The following TM9SF3 variants were observed in gnomAD, a reference collection of about 807,000 sequenced individuals.
The protein encoded by TM9SF3 is transmembrane 9 superfamily member 3.
TM9SF3 carries 14 observed loss-of-function variants against 78.6 expected under a neutral mutation model. The ratio of observed to expected loss-of-function variants is 0.18; its 90% confidence interval spans 0.12 to 0.28. The LOEUF is 0.28. TM9SF3 is among the 10% of genes least tolerant of loss of function. The pLI, the probability that TM9SF3 is intolerant of heterozygous loss-of-function variation, is 1.00. For missense variants in TM9SF3, 496 were observed against 721.9 expected, an observed-to-expected ratio of 0.69 and a Z score of 3.59; for synonymous variants, 231 against 241.7, an observed-to-expected ratio of 0.96 and a Z score of 0.41.
At chr10:96,550,979 T>C (rs1232178708) in intron 7 of TM9SF3, among the ~76,000 whole-genome samples, 1 of 152,202 alleles carries the variant, frequency 6.6e-6, no homozygotes. Flanking sequence ...GGATTGAAAG[T>C]AACCTCTGTT....
intron 5 of TM9SF3, among the ~76,000 whole-genome samples, chr10:96,558,292 G>T (rs1376134828): frequency 1.4e-5 from 2 of 145,954 alleles, no homozygotes; most frequent in African/African-American, 2.6e-5. Flanking sequence ...GTTGAGGTGG[G>T]GATTGAGGTA....
intron 12 of TM9SF3, 196 bp from the exon 13 acceptor site, chr10:96,527,692 T>C (rs935271455): frequency 1.8e-6 from 1 of 555,030 alleles, no homozygotes; most frequent in Non-Finnish European, 3.1e-6. Context: ...ATCTTGAATT[T>C]TGTCAGATTC....
In TM9SF3 at chr10:96,547,983, T is replaced by C. The variant is rs1483218474; in HGVS notation, c.966A>G (p.Gly322=). 6.3e-7 allele frequency: 1 copy of C among 1,588,628 alleles called. No individual in the cohort carries two copies. The highest frequency in any genetic ancestry group is 8.5e-7 in the Non-Finnish European group (1 of 1,171,728). Residue 322 remains glycine (G), a synonymous_variant, in exon 8 of 15, where the codon GGA becomes GGG. Coordinates refer to ENST00000371142, the MANE Select transcript of TM9SF3 (RefSeq NM_020123.4). ...AMIEDLYTER[G]SMLSTAIFVY... ...CAAATATGGCTGTACTGAGCATTGA[T>C]CCCCTCCTAAAAAGGCAAAAAAGAA...
At chr10:96,568,913 G>C (rs990325359) in intron 2 of TM9SF3, among the ~76,000 whole-genome samples, 1 of 152,024 alleles carries the variant, frequency 6.6e-6, no homozygotes, top group Non-Finnish European at 1.5e-5. Context: ...CAGGCCAAGC[G>C]TGCTGGCTCA....
chr10:96,550,841 G>C (rs1848161171), intron 7 of TM9SF3, among the ~76,000 whole-genome samples: 1 of 151,690 alleles, frequency 6.6e-6, no homozygotes. Context: ...CTTCTACTCT[G>C]ATGTTTTCCA....
rs765115718 is a variant in TM9SF3, at chr10:96,522,366, C to T, written c.1703-36G>A. ...AAAATAAGATGTTTTGAAACAAATA[C>T]ATACAGAGCAGTATCCATCATTTAA... is the stretch of plus-strand genomic sequence containing the variant. On this transcript the variant is annotated intron_variant, in intron 14 of 14. Transcript: ENST00000371142. The T allele has an allele frequency of 1.3e-5, 20 of 1,496,334 alleles. No homozygotes were observed. In the African/African-American group the frequency reaches 2.6e-4, roughly 20 times the overall value. 92.7% of individuals were successfully genotyped at this position (1,496,334 alleles called of 1,614,324 possible).
chr10:96,541,736 G>C (rs915494884), intron 9 of TM9SF3, among the ~76,000 whole-genome samples: 1 of 152,172 alleles, frequency 6.6e-6, no homozygotes, highest in African/African-American at 2.4e-5. Flanking sequence ...CCAGAAAAAG[G>C]CCTCAATAGC....
chr10:96,533,246 CAAATA>C (rs918156031), intron 9 of TM9SF3, 56 bp from the exon 10 acceptor site: 1 of 1,539,848 alleles, frequency 6.5e-7, no homozygotes, highest in African/African-American at 1.4e-5. Flanking sequence ...TTAATATAAA[CAAATA>C]AAAGAGACAC....
At chr10:96,526,543 T>C (rs1329955800) in intron 14 of TM9SF3, among the ~76,000 whole-genome samples, 2 of 152,134 alleles carry the variant, frequency 1.3e-5, no homozygotes, top group African/African-American at 4.8e-5. Context: ...TTCTATCACA[T>C]GGTGAAAACT....
At chr10:96,573,051 C>T (rs1174427078) in intron 2 of TM9SF3, among the ~76,000 whole-genome samples, 2 of 152,104 alleles carry the variant, frequency 1.3e-5, no homozygotes, top group African/African-American at 4.8e-5. Context: ...CATATGTAAA[C>T]ATGTATGTAT....
chr10:96,559,259 G>C (rs11188827), intron 5 of TM9SF3, among the ~76,000 whole-genome samples: 89,071 of 152,068 alleles, frequency 0.59, 27,814 homozygotes, highest in East Asian at 0.83. Context: ...AGTGTGTTAA[G>C]TCTAATTCTG....
chr10:96,586,709 G>A, intron 1 of TM9SF3, 25 bp downstream of exon 1: 1 of 1,221,634 alleles, frequency 8.2e-7, no homozygotes, highest in Non-Finnish European at 1.0e-6. Context: ...AGCCCGGGGC[G>A]GCCGCGCCGG....
chr10:96,552,865 A>G, intron 6 of TM9SF3, 63 bp downstream of exon 6: 1 of 1,376,246 alleles, frequency 7.3e-7, no homozygotes, highest in East Asian at 2.7e-5. Flanking sequence ...CCTACCTCCC[A>G]ACATTTAAAA....
chr10:96,524,106 G>T (rs1249316117), intron 14 of TM9SF3, among the ~76,000 whole-genome samples: 1 of 151,272 alleles, frequency 6.6e-6, no homozygotes, highest in African/African-American at 2.4e-5. Context: ...ACTGACACTG[G>T]GTGTTAGTAC....
rs766509287 is a variant in TM9SF3, at chr10:96,565,425, A to C, written c.300T>G (p.Asp100Glu). ...CACAGTAAGTGGCTGGCATCACATC[A>C]TCTGCACAAAATAAAAATTGCAAAT... ...EFSGLDIKFK[D>E]DVMPATYCEI... Residue 100 changes from aspartate (D) to glutamate (E), a missense_variant and splice_region_variant, in exon 3 of 15, where the codon GAT becomes GAG. Asp to Glu is a conservative substitution (Grantham distance 45, BLOSUM62 2). Coordinates refer to ENST00000371142, the MANE Select transcript of TM9SF3 (RefSeq NM_020123.4). 5 of 1,543,492 alleles carry C rather than the reference A, an allele frequency of 3.2e-6. No homozygotes were observed. The highest frequency in any genetic ancestry group is 4.3e-6 in the Non-Finnish European group (5 of 1,157,950).
chr10:96,522,959 T>C (rs1847796785), intron 14 of TM9SF3, among the ~76,000 whole-genome samples: 1 of 151,834 alleles, frequency 6.6e-6, no homozygotes, highest in South Asian at 2.1e-4. Context: ...ACAATTAGCC[T>C]CAACCAGAGC....
intron 4 of TM9SF3, among the ~76,000 whole-genome samples, chr10:96,561,116 G>A (rs1402749743): frequency 6.6e-6 from 1 of 152,132 alleles, no homozygotes; most frequent in East Asian, 1.9e-4. Flanking sequence ...GTTCCCTAAA[G>A]CAGTTTCTTC....
intron 1 of TM9SF3, among the ~76,000 whole-genome samples, chr10:96,581,652 T>C (rs1848571058): frequency 6.6e-6 from 1 of 152,216 alleles, no homozygotes. Context: ...AACTCACAAA[T>C]TCACTTATAG....
At chr10:96,575,582 A>G (rs1427572606) in intron 2 of TM9SF3, among the ~76,000 whole-genome samples, 2 of 152,192 alleles carry the variant, frequency 1.3e-5, no homozygotes, top group Non-Finnish European at 2.9e-5. Context: ...TTATCTTTAA[A>G]ATCTCACTGA....
Sources: allele counts gnomAD v4.1 joint callset (sites outside exome capture counted in the v4.1 genomes callset), GRCh38; gene constraint gnomAD v4.1.1; transcripts MANE v1.5; gene names NCBI Gene and HGNC (gene_info 2026-07-23, HGNC 2026-07-21).